Variants in OPRM1 observed in about 807,000 individuals in gnomAD.
OPRM1 encodes opioid receptor mu 1, also known as mu-type opioid receptor.
A neutral mutation model predicts 31.8 loss-of-function variants in OPRM1; 27 were observed. The observed-to-expected ratio is 0.85, with a 90% CI of 0.63 to 1.17. The LOEUF (loss-of-function observed/expected upper bound fraction) is 1.17, where lower values mean the gene tolerates loss of function less well. OPRM1 is among the 50% of genes most tolerant of loss of function. The pLI is 0.00. For missense variants in OPRM1, 536 were observed against 511.1 expected, an observed-to-expected ratio of 1.05 and a Z score of -0.47; for synonymous variants, 196 against 189.9, an observed-to-expected ratio of 1.03 and a Z score of -0.26.
intron 3 of OPRM1, among the ~76,000 whole-genome samples, chr6:154,115,455 G>T (rs1351502398): frequency 6.6e-6 from 1 of 152,198 alleles, no homozygotes; most frequent in Non-Finnish European, 1.5e-5. Context: ...TGGGAGAATT[G>T]CTTGAGCCTG....
intron 1 of OPRM1, among the ~76,000 whole-genome samples, chr6:154,072,423 T>C (rs764814062): frequency 9.9e-5 from 15 of 152,144 alleles, no homozygotes; most frequent in Non-Finnish European, 4.4e-5. Flanking sequence ...ATGCAAAAGG[T>C]TGAAATGTAT....
intron 3 of OPRM1, among the ~76,000 whole-genome samples, chr6:154,097,471 A>C (rs1231709130): frequency 3.3e-5 from 5 of 152,274 alleles, no homozygotes; most frequent in Non-Finnish European, 7.4e-5. Flanking sequence ...GGGAAAAAAA[A>C]CTCAAATGAG....
rs536328735 is a variant in OPRM1 at position 154,123,785 on chromosome 6, A to G, written c.*5064A>G. On this transcript the variant is annotated 3_prime_UTR_variant, in exon 4 of 4. Coordinates refer to ENST00000330432, the MANE Select transcript of OPRM1 (RefSeq NM_000914.5). Reference sequence around the variant, plus strand: ...GGTACTGGTGGGAATGTTTTTTAGCATGCTAATGCAATATAATTAGTGTAT... The same window carrying G: ...GGTACTGGTGGGAATGTTTTTTAGCGTGCTAATGCAATATAATTAGTGTAT... Among the ~76,000 whole-genome samples, 3 of 152,204 alleles carry G rather than the reference A, an allele frequency of 2.0e-5. No homozygotes were observed. The highest frequency in any genetic ancestry group is 4.4e-5 in the Non-Finnish European group (3 of 68,034).
Position 154,125,668 on chromosome 6 carries a change from A to T in OPRM1, c.*6947A>T, listed in dbSNP as rs932627383. Among the ~76,000 whole-genome samples the T allele has an allele frequency of 6.6e-6, 1 of 152,186 alleles. No homozygotes were observed. Among genetic ancestry groups the T allele is most frequent in the South Asian group, 2.1e-4 (1 of 4,832 alleles). On this transcript the variant is annotated 3_prime_UTR_variant, in exon 4 of 4. Coordinates refer to ENST00000330432, the MANE Select transcript of OPRM1 (RefSeq NM_000914.5). ...CCTTTGCAATTTGATTTTTGAAAGG[A>T]CCTAAAAGTTGAAAACAGGCTATCA...
At chr6:154,082,148 G>T (rs978420927) in intron 1 of OPRM1, among the ~76,000 whole-genome samples, 1 of 152,142 alleles carries the variant, frequency 6.6e-6, no homozygotes, top group African/African-American at 2.4e-5. Context: ...TTCAAAAATT[G>T]CTGGTTCTCT....
At chr6:154,158,498 A>T (rs189525460) in intron 3 of OPRM1, 1 of 152,358 alleles carries the variant, frequency 6.6e-6, no homozygotes, top group African/African-American at 2.4e-5. Flanking sequence ...AATAGAAAGG[A>T]TAATCTAAGA....
rs1405995764 is a variant in OPRM1 at position 154,241,191 on chromosome 6, G to A, written c.1165-5502G>A. Among the ~76,000 whole-genome samples the A allele has an allele frequency of 5.5e-5, 8 of 146,190 alleles. No homozygotes were observed. The East Asian group carries it at 8.1e-4, about 15-fold the overall frequency. On this transcript the variant is annotated intron_variant, in intron 3 of 3. Transcript: ENST00000337049. The stretch of plus-strand genomic sequence containing the variant: ...GCGGAGGTTGCAGTGAGCCGAGATC[G>A]CGCCACTGCACTTCAGCCTAGCAAC...
Position 154,232,793 on chromosome 6 carries a change from C to T in OPRM1, c.1165-13900C>T, listed in dbSNP as rs1779821989. Reference sequence around the variant, plus strand: ...GAATAAGCAGCTATAACCAGCTTCTCCAGACTAAATGGAAATTAACATAGA... The same window carrying T: ...GAATAAGCAGCTATAACCAGCTTCTTCAGACTAAATGGAAATTAACATAGA... On this transcript the variant is annotated intron_variant, in intron 3 of 3. Transcript: ENST00000337049. Among the ~76,000 whole-genome samples the T allele has an allele frequency of 2.6e-5, 4 of 151,720 alleles. No individual in the cohort carries two copies. In the South Asian group the frequency reaches 8.4e-4, roughly 32 times the overall value.
At chr6:154,107,751 C>T in intron 3 of OPRM1, 1 of 718,434 alleles carries the variant, frequency 1.4e-6, no homozygotes, top group Admixed American at 2.0e-5. Flanking sequence ...GTTTCAGGGA[C>T]CTCCAGCCAA....
At chr6:154,112,942 A>C (rs1796498618) in intron 3 of OPRM1, among the ~76,000 whole-genome samples, 1 of 152,214 alleles carries the variant, frequency 6.6e-6, no homozygotes, top group Non-Finnish European at 1.5e-5. Flanking sequence ...TCCCCGACCC[A>C]ATTAAATAAG....
chr6:154,135,055 G>T (rs140235328), downstream of OPRM1, among the ~76,000 whole-genome samples: 1 of 152,180 alleles, frequency 6.6e-6, no homozygotes, highest in Admixed American at 6.5e-5. Flanking sequence ...TCTATAGTCC[G>T]CATTCTAACA....
chr6:154,088,576 G>T (rs1042402474), intron 1 of OPRM1, among the ~76,000 whole-genome samples: 1 of 152,066 alleles, frequency 6.6e-6, no homozygotes, highest in Non-Finnish European at 1.5e-5. Context: ...CGGTCCAATT[G>T]GGTCTACACA....
At chr6:154,151,862 C>G (rs1465132672) in intron 3 of OPRM1, among the ~76,000 whole-genome samples, 23 of 151,980 alleles carry the variant, frequency 1.5e-4, no homozygotes, top group Admixed American at 1.4e-3. Context: ...CAGGTTCGTT[C>G]GTTTGTTTGA....
At chr6:154,143,195 A>T (rs569284) in intron 3 of OPRM1, among the ~76,000 whole-genome samples, 1 of 152,136 alleles carries the variant, frequency 6.6e-6, no homozygotes, top group Admixed American at 6.6e-5. Flanking sequence ...GCCTTTCTAC[A>T]GTAAGCCAAA....
At chr6:154,223,641 C>T (rs1779036133) in intron 3 of OPRM1, among the ~76,000 whole-genome samples, 1 of 152,220 alleles carries the variant, frequency 6.6e-6, no homozygotes, top group Non-Finnish European at 1.5e-5. Context: ...AGGAAGAAAC[C>T]TAACTAGCAT....
At chr6:154,211,350 A>C (rs1777947266) in intron 3 of OPRM1, among the ~76,000 whole-genome samples, 1 of 151,990 alleles carries the variant, frequency 6.6e-6, no homozygotes, top group South Asian at 2.1e-4. Flanking sequence ...CAGAGCTTGC[A>C]GTGAGCCAAG....
chr6:154,102,426 G>C (rs368432223), intron 3 of OPRM1, among the ~76,000 whole-genome samples: 2 of 152,052 alleles, frequency 1.3e-5, no homozygotes, highest in African/African-American at 4.8e-5. Context: ...CAAGCCATCC[G>C]GTGAGGCTTT....
At chr6:154,059,519 G>A (rs944323756) in intron 1 of OPRM1, among the ~76,000 whole-genome samples, 1 of 151,990 alleles carries the variant, frequency 6.6e-6, no homozygotes, top group African/African-American at 2.4e-5. Flanking sequence ...TCCTGGATGT[G>A]TTATTCAGCC....
intron 1 of OPRM1, among the ~76,000 whole-genome samples, chr6:154,080,768 C>T (rs957525117): frequency 2.6e-5 from 4 of 152,228 alleles, no homozygotes; most frequent in Non-Finnish European, 5.9e-5. Flanking sequence ...TGAACAGTCT[C>T]CTTTGTCCCA....
Sources: allele counts gnomAD v4.1 joint callset (sites outside exome capture counted in the v4.1 genomes callset), GRCh38; gene constraint gnomAD v4.1.1; transcripts MANE v1.5; gene names NCBI Gene and HGNC (gene_info 2026-07-23, HGNC 2026-07-21).